Variants in CCNP observed in about 807,000 individuals in gnomAD.
CCNP encodes cyclin P, also known as cyclin-P.
In CCNP, 18 loss-of-function variants were observed where a neutral mutation model predicts 19.6. The ratio of observed to expected loss-of-function variants is 0.92; its 90% CI spans 0.64 to 1.36. The LOEUF (loss-of-function observed/expected upper bound fraction) is 1.36. CCNP is among the 40% of genes most tolerant of loss of function. The probability of loss-of-function intolerance (pLI) is 0.00; values close to 1 mark genes in which losing one functional copy is unlikely to be tolerated. For synonymous variants in CCNP, 228 were observed against 194.9 expected (o/e 1.17, Z -1.41); for missense variants, 440 against 424.4 (o/e 1.04, Z -0.32).
At chr19:40,226,284 C>T in intron 1 of CCNP, 91 bp downstream of exon 1, 3 of 1,145,946 alleles carry the variant, frequency 2.6e-6, no homozygotes, top group East Asian at 2.4e-5. Context: ...GGAGGAGAGG[C>T]TGGAGCGGTG....
chr19:40,224,830 C>T lies in CCNP; in HGVS notation c.268-19G>A, dbSNP rs1320584566. ...GGCACACCTGGGGTTGGGGCAGGGA[C>T]GCTTCACTCTCCACACCTGTGCCTC... On this transcript the variant is annotated intron_variant, in intron 1 of 4. Coordinates refer to ENST00000430325, the MANE Select transcript of CCNP (RefSeq NM_024877.4). 1.8e-5 allele frequency: 28 copies of T among 1,544,108 alleles called. No homozygotes were observed. The highest frequency in any genetic ancestry group is 2.0e-5 in the Admixed American group (1 of 50,706).
Position 40,223,486 on chromosome 19 carries a change from C to T in CCNP, c.574G>A (p.Glu192Lys), listed in dbSNP as rs777893223. The change falls in exon 4 of 5, where the codon GAG (glutamate) becomes AAG (lysine). Residue 192 changes from glutamate to lysine, a missense_variant. By Grantham distance (56) the Glu-to-Lys change is moderately conservative (BLOSUM62 1). Coordinates refer to ENST00000430325, the MANE Select transcript of CCNP (RefSeq NM_024877.4). The part of the protein sequence containing the change: ...SFSRAELLRA[E>K]RRILSRLDFR... ...TCCAGGCGGCTCAGGATGCGACGCT[C>T]GGCGCGCAGCAGCTCCGCCCGTGAG... The T allele has an allele frequency of 9.9e-6, 16 of 1,610,372 alleles. No individual in the cohort carries two copies. The highest frequency in any genetic ancestry group is 2.2e-5 in the East Asian group (1 of 44,792).
rs528028308 is a variant in CCNP, at chr19:40,222,888, C to A, written c.*164G>T. 60 of 555,772 alleles carry A rather than the reference C, an allele frequency of 1.1e-4. No homozygotes were observed. The African/African-American group carries it at 1.1e-3, about 10-fold the overall frequency. 34.4% of individuals were successfully genotyped at this position (555,772 alleles called of 1,614,324 possible). A position where few individuals can be genotyped will look rare whatever the true frequency, so the allele number is the denominator to read the frequency against. ...ATGGAGGACTCGAGGCCTGGGTGATCCTTCGTTCTCAGCCCTGGAAGGCAA... is the reference window on the plus strand; with the variant it reads ...ATGGAGGACTCGAGGCCTGGGTGATACTTCGTTCTCAGCCCTGGAAGGCAA... On this transcript the variant is annotated 3_prime_UTR_variant, in exon 5 of 5. Coordinates refer to ENST00000430325, the MANE Select transcript of CCNP (RefSeq NM_024877.4).
At position 40,222,504 on chromosome 19, in the gene CCNP, G is replaced by T; in HGVS notation, c.*548C>A. 1 of 398,898 alleles carries T rather than the reference G, an allele frequency of 2.5e-6. No homozygotes were observed. Among genetic ancestry groups the T allele is most frequent in the Admixed American group, 4.4e-5 (1 of 22,728 alleles). The allele number at this position is 398,898 out of a possible 1,614,324, so 24.7% of individuals were successfully genotyped here. ...CAGGGAGATGGAGAAACTGAGGCAGGGCAAGTGGTTGGAGATGACCCATCC... is the reference window on the plus strand; with the variant it reads ...CAGGGAGATGGAGAAACTGAGGCAGTGCAAGTGGTTGGAGATGACCCATCC... On this transcript the variant is annotated 3_prime_UTR_variant, in exon 5 of 5. Coordinates refer to ENST00000430325, the MANE Select transcript of CCNP (RefSeq NM_024877.4).
chr19:40,223,186 C>G lies in CCNP; in HGVS notation c.790G>C (p.Gly264Arg). The G allele has an allele frequency of 6.4e-7, 1 of 1,551,186 alleles. No homozygotes were observed. Among genetic ancestry groups the G allele is most frequent in the Non-Finnish European group, 8.7e-7 (1 of 1,146,902 alleles). ...ALSLAHRLLDGAGSRLQPELY... is the reference protein window; with the variant it reads ...ALSLAHRLLDRAGSRLQPELY... Reference sequence around the variant, plus strand: ...TCTGGCTGGAGCCTGGAGCCCGCCCCGTCGAGCAAGCGGTGCGCCAGGCTC... The same window carrying G: ...TCTGGCTGGAGCCTGGAGCCCGCCCGGTCGAGCAAGCGGTGCGCCAGGCTC... Residue 264 changes from glycine (G) to arginine (R), a missense_variant, in exon 5 of 5, where the codon GGG (glycine) becomes CGG (arginine). Physicochemically the swap from Gly to Arg is moderately radical, Grantham distance 125. Coordinates refer to ENST00000430325, the MANE Select transcript of CCNP (RefSeq NM_024877.4).
chr19:40,223,124 C>G lies in CCNP; in HGVS notation c.852G>C (p.Trp284Cys), dbSNP rs543017386. 1 of 1,551,404 alleles carries G rather than the reference C, an allele frequency of 6.4e-7. No individual in the cohort carries two copies. The highest frequency in any genetic ancestry group is 2.0e-5 in the Admixed American group (1 of 50,966). ...YRCSLGGGSV[W>C]GHRSFRDLPS... ...GTAAGTCCCTGAAGCTGCGGTGACC[C>G]CATACACTTCCTCCGCCAAGACTAC... The change falls in exon 5 of 5, where the codon TGG (tryptophan) becomes TGC (cysteine). Residue 284 changes from tryptophan to cysteine, a missense_variant. Transcript: ENST00000430325.
At chr19:40,226,320 T>TG (rs1156864366) in intron 1 of CCNP, 55 bp downstream of exon 1, 3 of 1,515,718 alleles carry the variant, frequency 2.0e-6, no homozygotes, top group Middle Eastern at 1.7e-4. Flanking sequence ...GTTGAGTGGG[T>TG]GCCGGGCGGT....
At chr19:40,226,338 CG>C (rs1180332468) in intron 1 of CCNP, 36 bp downstream of exon 1, 22 of 1,577,512 alleles carry the variant, frequency 1.4e-5, no homozygotes, top group Non-Finnish European at 1.8e-5. Flanking sequence ...GGTGGGCCGG[CG>C]TCGCCCTCAC....
Position 40,226,606 on chromosome 19 carries a change from G to T in CCNP, c.36C>A (p.Ser12=), listed in dbSNP as rs568069600. ...LVRGRDQGSG[S]RLGPIVRRWA... is the part of the protein sequence containing the mutation. Reference sequence around the variant, plus strand: ...AGCGCCTAACGATAGGCCCGAGCCGGGAGCCGGACCCCTGGTCCCTGCCTC... The same window carrying T: ...AGCGCCTAACGATAGGCCCGAGCCGTGAGCCGGACCCCTGGTCCCTGCCTC... Residue 12 remains serine, a synonymous_variant, in exon 1 of 5, where the codon TCC becomes TCA. Coordinates refer to ENST00000430325, the MANE Select transcript of CCNP (RefSeq NM_024877.4). 3.4e-5 allele frequency: 53 copies of T among 1,579,148 alleles called. No homozygotes were observed. In the South Asian group the frequency reaches 5.7e-4, roughly 17 times the overall value.
In CCNP at chr19:40,226,568, G is replaced by A. The variant is rs772521839; in HGVS notation, c.74C>T (p.Pro25Leu). ...GGCAGCGAGACTCTGCAAAGGAGAG[G>A]GCCTGGGGGCCCAGCGCCTAACGAT... ...GPIVRRWAPR[P>L]SPLQSLAASL... Residue 25 changes from proline to leucine, a missense_variant, in exon 1 of 5, where the codon CCC becomes CTC. Physicochemically the swap from Pro to Leu is moderately conservative, Grantham distance 98 (BLOSUM62 -3). Coordinates refer to ENST00000430325, the MANE Select transcript of CCNP (RefSeq NM_024877.4). 1 of 1,577,648 alleles carries A rather than the reference G, an allele frequency of 6.3e-7. No homozygotes were observed. The highest frequency in any genetic ancestry group is 8.6e-7 in the Non-Finnish European group (1 of 1,164,242).
chr19:40,223,343 T>C (rs2145114898), intron 4 of CCNP, 40 bp from the exon 5 acceptor site: 2 of 1,491,842 alleles, frequency 1.3e-6, no homozygotes, highest in Non-Finnish European at 1.8e-6. Context: ...CACGCCCCAC[T>C]TCGCGCCGGC....
At chr19:40,225,835 T>G (rs1973531145) in intron 1 of CCNP, among the ~76,000 whole-genome samples, 1 of 152,246 alleles carries the variant, frequency 6.6e-6, no homozygotes, top group African/African-American at 2.4e-5. Context: ...CAGGGACTTC[T>G]GCCCACAACA....
rs1196143711 is a variant in CCNP at position 40,223,165 on chromosome 19, G to GCTGGAGC, written c.804_810dup (p.Pro271AlafsTer9). ...CCAAGACTACACCTGTAAAGTTCTGGCTGGAGCCTGGAGCCCGCCCCGTCG... is the reference window on the plus strand; with the variant it reads ...CCAAGACTACACCTGTAAAGTTCTGGCTGGAGCCTGGAGCCTGGAGCCCGCCCCGTCG... On this transcript the variant is annotated frameshift_variant, in exon 5 of 5. Transcript: ENST00000430325. LOFTEE classifies it low-confidence loss of function (END_TRUNC). The GCTGGAGC allele has an allele frequency of 7.1e-6, 11 of 1,551,414 alleles. No homozygotes were observed. Among genetic ancestry groups the GCTGGAGC allele is most frequent in the Admixed American group, 3.9e-5 (2 of 50,984 alleles).
chr19:40,223,256 G>A lies in CCNP; in HGVS notation c.720C>T (p.Ala240=), dbSNP rs1000264091. The A allele has an allele frequency of 6.5e-6, 10 of 1,544,090 alleles. No homozygotes were observed. Among genetic ancestry groups the A allele is most frequent in the Non-Finnish European group, 7.9e-6 (9 of 1,142,724 alleles). The part of the protein sequence containing the change: ...TYFLELSLLE[A]EAAGWEPGRR... Reference sequence around the variant, plus strand: ...GACCCGGCTCCCATCCCGCCGCCTCGGCCTCCAGCAAAGACAGCTCCAGGA... The same window carrying A: ...GACCCGGCTCCCATCCCGCCGCCTCAGCCTCCAGCAAAGACAGCTCCAGGA... Residue 240 remains alanine, a synonymous_variant, in exon 5 of 5, where the codon GCC becomes GCT. Transcript: ENST00000430325.
At chr19:40,223,572 G>A in intron 3 of CCNP, 26 bp from the exon 4 acceptor site, 1 of 1,599,424 alleles carries the variant, frequency 6.3e-7, no homozygotes, top group South Asian at 1.1e-5. Flanking sequence ...GCGGGGGGAG[G>A]TGAAGGAGTC....
chr19:40,226,456 C>A lies in CCNP; in HGVS notation c.186G>T (p.Pro62=), dbSNP rs759966488. The change falls in exon 1 of 5, where the codon CCG becomes CCT. Residue 62 remains proline, a synonymous_variant. Transcript: ENST00000430325. ...CGCTCAGCGCCTCCTCCAGCCCCGG[C>A]GGCCTCGCCAGGCGTCTTGGGGAGA... ...PTVSPRRLAR[P]PGLEEALSAL... 2.5e-6 allele frequency: 4 copies of A among 1,608,264 alleles called. No homozygotes were observed. The highest frequency in any genetic ancestry group is 1.1e-5 in the South Asian group (1 of 90,732).
Position 40,223,504 on chromosome 19 carries a change from C to T in CCNP, c.556G>A (p.Ala186Thr). The stretch of plus-strand genomic sequence containing the variant: ...CGACGCTCGGCGCGCAGCAGCTCCG[C>T]CCGTGAGAAGGAGTCCGCGCTCAGG... ...CLLSADSFSR[A>T]ELLRAERRIL... Residue 186 changes from alanine to threonine, a missense_variant, in exon 4 of 5, where the codon GCG (alanine) becomes ACG (threonine). Transcript: ENST00000430325. 5.0e-6 allele frequency: 8 copies of T among 1,608,628 alleles called. No homozygotes were observed. The highest frequency in any genetic ancestry group is 6.8e-6 in the Non-Finnish European group (8 of 1,176,476).
chr19:40,225,394 C>T (rs1458374966), intron 1 of CCNP, among the ~76,000 whole-genome samples: 1 of 152,156 alleles, frequency 6.6e-6, no homozygotes, highest in East Asian at 1.9e-4. Context: ...TCCTCAACCC[C>T]TCTGCCTCAG....
intron 3 of CCNP, 65 bp from the exon 4 acceptor site, chr19:40,223,611 T>C: frequency 6.2e-7 from 1 of 1,600,554 alleles, no homozygotes; most frequent in East Asian, 2.2e-5. Context: ...CTCCCTGCCC[T>C]GGAAAGGCCC....
Sources: gnomAD v4.1 joint callset for allele counts (sites outside exome capture counted in the v4.1 genomes callset) on GRCh38, gnomAD v4.1.1 for gene constraint, MANE v1.5 for transcripts, NCBI Gene and HGNC (gene_info 2026-07-23, HGNC 2026-07-21) for gene names.